Variants in LRRC8C observed in about 807,000 individuals in gnomAD.
The protein encoded by LRRC8C is volume-regulated anion channel subunit LRRC8C.
A neutral mutation model predicts 55.3 loss-of-function variants in LRRC8C; 20 were observed. The ratio of observed to expected loss-of-function variants is 0.36; its 90% CI spans 0.25 to 0.53. The LOEUF is 0.53. Among genes scored for constraint, LRRC8C ranks in the 20% least tolerant of loss-of-function variants. The pLI, the probability that LRRC8C is intolerant of heterozygous loss-of-function variation, is 0.92. For missense variants in LRRC8C, 659 were observed against 951.4 expected, an observed-to-expected ratio of 0.69 and a Z score of 4.04; for synonymous variants, 376 against 360.7, an observed-to-expected ratio of 1.04 and a Z score of -0.48.
intron 1 of LRRC8C, among the ~76,000 whole-genome samples, chr1:89,634,746 A>G (rs1231154315): frequency 6.6e-6 from 1 of 152,248 alleles, no homozygotes; most frequent in Non-Finnish European, 1.5e-5. Flanking sequence ...AACAAACATT[A>G]AATGTATACA....
upstream of LRRC8C, chr1:89,633,018 G>A: frequency 6.6e-6 from 1 of 152,098 alleles, no homozygotes; most frequent in South Asian, 1.8e-4. Flanking sequence ...GGCGCTGGGC[G>A]GCGCTGGCTG....
At chr1:89,687,049 T>C (rs1198924267) in intron 2 of LRRC8C, among the ~76,000 whole-genome samples, 3 of 152,240 alleles carry the variant, frequency 2.0e-5, no homozygotes, top group Admixed American at 1.3e-4. Context: ...TACTGAATGT[T>C]TAGTTCTGAA....
At chr1:89,665,575 A>C (rs1432215794) in intron 1 of LRRC8C, among the ~76,000 whole-genome samples, 1 of 152,224 alleles carries the variant, frequency 6.6e-6, no homozygotes, top group East Asian at 1.9e-4. Context: ...TTGCGCAGCT[A>C]TAAAATGTGT....
intron 1 of LRRC8C, among the ~76,000 whole-genome samples, chr1:89,666,960 G>A (rs749610475): frequency 1.3e-5 from 2 of 152,072 alleles, no homozygotes; most frequent in Non-Finnish European, 2.9e-5. Context: ...ATTGAGGAAA[G>A]CAACTTAGGG....
chr1:89,637,114 TAAAC>T (rs1435854933), intron 1 of LRRC8C, among the ~76,000 whole-genome samples: 1 of 152,152 alleles, frequency 6.6e-6, no homozygotes, highest in African/African-American at 2.4e-5. Flanking sequence ...CTGTCATTCT[TAAAC>T]AAAGCCTTGG....
intron 2 of LRRC8C, among the ~76,000 whole-genome samples, chr1:89,688,872 G>C (rs1009774769): frequency 5.3e-5 from 8 of 152,204 alleles, no homozygotes; most frequent in Admixed American, 2.0e-4. Flanking sequence ...AGTGAAACTT[G>C]TGATTCAGCA....
At chr1:89,708,755 A>G (rs1168612450) in intron 2 of LRRC8C, 1 of 152,136 alleles carries the variant, frequency 6.6e-6, no homozygotes, top group Non-Finnish European at 1.5e-5. Flanking sequence ...TAGCTATTGC[A>G]CTGTTTAAAT....
chr1:89,685,207 T>C lies in LRRC8C; in HGVS notation c.-4-1263T>C, dbSNP rs376432061. Reference sequence around the variant, plus strand: ...AATCTCGGCTCACTGCAAGCTCCGCTTCCCGGGTTCACGCCATTCTCCTGC... The same window carrying C: ...AATCTCGGCTCACTGCAAGCTCCGCCTCCCGGGTTCACGCCATTCTCCTGC... On this transcript the variant is annotated intron_variant, in intron 1 of 2. Transcript: ENST00000370454. Among the ~76,000 whole-genome samples the C allele has an allele frequency of 1.2e-3, 169 of 146,188 alleles. 1 individual carries two copies. The highest frequency in any genetic ancestry group is 4.3e-3 in the South Asian group (19 of 4,422).
rs1399771870 is a variant in LRRC8C at position 89,712,925 on chromosome 1, G to A, written c.355G>A (p.Ala119Thr). 2 of 1,614,040 alleles carry A rather than the reference G, an allele frequency of 1.2e-6. No individual in the cohort carries two copies. Among genetic ancestry groups the A allele is most frequent in the East Asian group, 2.2e-5 (1 of 44,906 alleles). Residue 119 changes from alanine (A) to threonine (T), a missense_variant, in exon 3 of 3, where the codon GCC (alanine) becomes ACC (threonine). By Grantham distance (58) the Ala-to-Thr change is moderately conservative. Coordinates refer to ENST00000370454, the MANE Select transcript of LRRC8C (RefSeq NM_032270.5). ...SFINQMCYER[A>T]LHWYAKYFPY... ...TATAAATCAGATGTGTTATGAGCGAGCCCTCCACTGGTATGCCAAGTATTT... is the reference window on the plus strand; with the variant it reads ...TATAAATCAGATGTGTTATGAGCGAACCCTCCACTGGTATGCCAAGTATTT...
chr1:89,669,971 T>A (rs1657372509), intron 1 of LRRC8C, among the ~76,000 whole-genome samples: 1 of 152,180 alleles, frequency 6.6e-6, no homozygotes, highest in South Asian at 2.1e-4. Context: ...TGAGTGGAGA[T>A]TCTATGTCAT....
chr1:89,701,202 C>G (rs1459854186), intron 2 of LRRC8C, among the ~76,000 whole-genome samples: 1 of 151,722 alleles, frequency 6.6e-6, no homozygotes, highest in Non-Finnish European at 1.5e-5. Flanking sequence ...TGGGGCCAGG[C>G]GCGGTGGCTC....
chr1:89,617,910 G>C, the LRRC8C span, among the ~76,000 whole-genome samples: 1 of 152,114 alleles, frequency 6.6e-6, no homozygotes, highest in Non-Finnish European at 1.5e-5. Context: ...AGGTCAGGGA[G>C]AGACCATACA....
At chr1:89,635,708 T>G (rs1656259490) in intron 1 of LRRC8C, among the ~76,000 whole-genome samples, 1 of 152,236 alleles carries the variant, frequency 6.6e-6, no homozygotes, top group Admixed American at 6.5e-5. Context: ...AGAATTCCAA[T>G]TTTGAATCAA....
intron 1 of LRRC8C, among the ~76,000 whole-genome samples, chr1:89,684,528 A>G (rs1274702702): frequency 6.6e-6 from 1 of 152,246 alleles, no homozygotes; most frequent in Non-Finnish European, 1.5e-5. Flanking sequence ...AGAGTAAGAC[A>G]GTACCTTCTG....
At chr1:89,700,335 C>G (rs1324415208) in intron 2 of LRRC8C, among the ~76,000 whole-genome samples, 1 of 152,156 alleles carries the variant, frequency 6.6e-6, no homozygotes, top group Non-Finnish European at 1.5e-5. Flanking sequence ...TATTTGTGCT[C>G]TCGTTTGATT....
At position 89,651,425 on chromosome 1, in the gene LRRC8C, G is replaced by A. The variant is rs148125666; in HGVS notation, c.-5+18103G>A. Among the ~76,000 whole-genome samples, 982 of 151,690 alleles carry A rather than the reference G, an allele frequency of 6.5e-3. 9 individuals are homozygous for A. The highest frequency in any genetic ancestry group is 0.014 in the Admixed American group (216 of 15,246). On this transcript the variant is annotated intron_variant, in intron 1 of 2. Transcript: ENST00000370454. ...CTGCTGAAAGTACAAAAAATTAGCCGGGCATGGTGGCGGGCGCCTCTACTC... is the reference window on the plus strand; with the variant it reads ...CTGCTGAAAGTACAAAAAATTAGCCAGGCATGGTGGCGGGCGCCTCTACTC...
At chr1:89,656,500 T>C (rs566413117) in intron 1 of LRRC8C, among the ~76,000 whole-genome samples, 94 of 152,326 alleles carry the variant, frequency 6.2e-4, no homozygotes, top group African/African-American at 2.1e-3. Context: ...CAGTGGGGAA[T>C]CTAGTAGAAA....
In LRRC8C at chr1:89,659,061, TTGTGTGTG is replaced by T. The variant is rs71084956; in HGVS notation, c.-5+25779_-5+25786del. ...TGTCTTCTCCAGGTTTTTTTTTTTT[TTGTGTGTG>T]TGTGTGTGTGTGTGTGTGTGTGTGT... On this transcript the variant is annotated intron_variant, in intron 1 of 2. Coordinates refer to ENST00000370454, the MANE Select transcript of LRRC8C (RefSeq NM_032270.5). 1.1e-4 allele frequency among the ~76,000 whole-genome samples: 6 copies of T among 53,984 alleles called. 1 individual carries two copies. Among genetic ancestry groups the T allele is most frequent in the African/African-American group, 2.5e-4 (4 of 15,938 alleles). The allele number at this position is 53,984 out of a possible 152,430, so 35.4% of individuals were successfully genotyped here.
At chr1:89,686,432 A>G (rs1657885038) in intron 1 of LRRC8C, 38 bp from the exon 2 acceptor site, 1 of 1,609,924 alleles carries the variant, frequency 6.2e-7, no homozygotes, top group Non-Finnish European at 8.5e-7. Flanking sequence ...GTTGTACTGG[A>G]AGATAAATTG....
Sources: allele counts gnomAD v4.1 joint callset (sites outside exome capture counted in the v4.1 genomes callset), GRCh38; gene constraint gnomAD v4.1.1; transcripts MANE v1.5; gene names NCBI Gene and HGNC (gene_info 2026-07-23, HGNC 2026-07-21).